The following C1QTNF3 variants were observed in gnomAD, a reference collection of about 807,000 sequenced individuals.
C1QTNF3 encodes complement C1q tumor necrosis factor-related protein 3.
A neutral mutation model predicts 32.6 loss-of-function variants in C1QTNF3; 26 were observed. The ratio of observed to expected loss-of-function variants is 0.80; its 90% CI spans 0.58 to 1.11. C1QTNF3 has a LOEUF of 1.11. Ranked by LOEUF, C1QTNF3 falls within the 50% of genes least tolerant of loss-of-function variation. The probability of loss-of-function intolerance (pLI) is 0.00; values close to 1 mark genes in which losing one functional copy is unlikely to be tolerated. For missense variants in C1QTNF3, 362 were observed against 398.2 expected, an observed-to-expected ratio of 0.91 and a Z score of 0.77; for synonymous variants, 155 against 146.0, an observed-to-expected ratio of 1.06 and a Z score of -0.44.
chr5:34,226,088 T>C, the C1QTNF3 span, among the ~76,000 whole-genome samples: 1 of 151,996 alleles, frequency 6.6e-6, no homozygotes, highest in Non-Finnish European at 1.5e-5. Flanking sequence ...CCTTGAACCA[T>C]ACTTGATATT....
the C1QTNF3 span, among the ~76,000 whole-genome samples, chr5:34,178,303 G>C: frequency 6.6e-6 from 1 of 152,078 alleles, no homozygotes; most frequent in Non-Finnish European, 1.5e-5. Flanking sequence ...TTCAGAGCTG[G>C]TTACCTTTTC....
chr5:34,056,454 G>GCATA, the C1QTNF3 span, among the ~76,000 whole-genome samples: 1 of 48,966 alleles, frequency 2.0e-5, no homozygotes, highest in African/African-American at 8.4e-5. Flanking sequence ...GTGTGTGTGT[G>GCATA]TATATATATA....
the C1QTNF3 span, chr5:34,192,226 C>A: frequency 1.4e-6 from 1 of 712,590 alleles, no homozygotes; most frequent in Non-Finnish European, 2.6e-6. Flanking sequence ...CCAGCTGGCC[C>A]TCAGTTCCTC....
chr5:34,195,993 A>T, the C1QTNF3 span, among the ~76,000 whole-genome samples: 1 of 152,306 alleles, frequency 6.6e-6, no homozygotes, highest in Non-Finnish European at 1.5e-5. Context: ...GAGACACTAG[A>T]GCTGCTTTTC....
chr5:34,140,428 A>G, the C1QTNF3 span, among the ~76,000 whole-genome samples: 2 of 152,360 alleles, frequency 1.3e-5, no homozygotes, highest in Admixed American at 1.3e-4. Flanking sequence ...TTGTTTGAGA[A>G]TATAGAAATA....
the C1QTNF3 span, among the ~76,000 whole-genome samples, chr5:34,141,339 C>T: frequency 1.3e-5 from 2 of 152,088 alleles, no homozygotes; most frequent in African/African-American, 2.4e-5. Flanking sequence ...AGGATAGTCT[C>T]GATCTCCTGA....
At chr5:34,119,874 G>T in the C1QTNF3 span, among the ~76,000 whole-genome samples, 1 of 152,034 alleles carries the variant, frequency 6.6e-6, no homozygotes, top group Non-Finnish European at 1.5e-5. Context: ...ATTTTTAAAC[G>T]CCAAATTCCA....
chr5:34,242,592 T>C, the C1QTNF3 span, among the ~76,000 whole-genome samples: 15 of 151,564 alleles, frequency 9.9e-5, no homozygotes, highest in Admixed American at 1.3e-4. Flanking sequence ...TTTCTCGACA[T>C]TGGCCTTGGC....
intron 2 of C1QTNF3, among the ~76,000 whole-genome samples, chr5:34,035,206 C>T (rs1754706130): frequency 6.6e-6 from 1 of 152,180 alleles, no homozygotes; most frequent in Non-Finnish European, 1.5e-5. Context: ...CCCCATACCA[C>T]TACATGGTAC....
At position 34,020,616 on chromosome 5, in the gene C1QTNF3, G is replaced by T; in HGVS notation, c.927C>A (p.Thr309=). 4.3e-6 allele frequency: 7 copies of T among 1,614,226 alleles called. No homozygotes were observed. The highest frequency in any genetic ancestry group is 5.9e-6 in the Non-Finnish European group (7 of 1,180,032). Residue 309 remains threonine (T), a synonymous_variant, in exon 6 of 6, where the codon ACC becomes ACA. Transcript: ENST00000382065. ...TTTCAAAGAGCAGGAATCCTGCAAA[G>T]GTGGAGAAGCGTTGGTGGTCCCCAT... is the stretch of plus-strand genomic sequence containing the variant. ...ALHGDHQRFS[T]FAGFLLFETK is the part of the protein sequence containing the mutation.
At chr5:34,219,838 A>G in the C1QTNF3 span, 2 of 152,128 alleles carry the variant, frequency 1.3e-5, no homozygotes, top group African/African-American at 2.4e-5. Flanking sequence ...TTAAATGGCT[A>G]CTGAATACCT....
chr5:34,226,445 C>A, the C1QTNF3 span, among the ~76,000 whole-genome samples: 1 of 151,762 alleles, frequency 6.6e-6, no homozygotes, highest in Non-Finnish European at 1.5e-5. Context: ...TAACTATCTA[C>A]AAAATGCTTT....
At chr5:34,171,177 T>C in the C1QTNF3 span, among the ~76,000 whole-genome samples, 1 of 152,046 alleles carries the variant, frequency 6.6e-6, no homozygotes, top group Admixed American at 6.6e-5. Flanking sequence ...GCTTGACTCA[T>C]TCTGAATACC....
At chr5:34,185,122 A>C in the C1QTNF3 span, among the ~76,000 whole-genome samples, 1 of 152,304 alleles carries the variant, frequency 6.6e-6, no homozygotes, top group African/African-American at 2.4e-5. Flanking sequence ...CAAGGCGGGC[A>C]GATCATTTGA....
chr5:34,107,484 A>G, the C1QTNF3 span, among the ~76,000 whole-genome samples: 2 of 152,034 alleles, frequency 1.3e-5, no homozygotes, highest in South Asian at 4.1e-4. Flanking sequence ...GTCATCAACA[A>G]CTAACATTTT....
At chr5:34,158,879 T>C in the C1QTNF3 span, 1 of 152,074 alleles carries the variant, frequency 6.6e-6, no homozygotes, top group Non-Finnish European at 1.5e-5. Flanking sequence ...ATATTACGAA[T>C]GTTCACCTCT....
chr5:34,123,626 T>C, the C1QTNF3 span, among the ~76,000 whole-genome samples: 2 of 149,564 alleles, frequency 1.3e-5, no homozygotes, highest in African/African-American at 2.5e-5. Flanking sequence ...GATATGCTTT[T>C]TTTTTTTCTT....
At chr5:34,170,341 T>C in the C1QTNF3 span, among the ~76,000 whole-genome samples, 2 of 152,128 alleles carry the variant, frequency 1.3e-5, no homozygotes, top group Non-Finnish European at 2.9e-5. Flanking sequence ...TAAATACATT[T>C]TAGAGAGGGG....
At chr5:34,075,440 A>C in the C1QTNF3 span, among the ~76,000 whole-genome samples, 1 of 151,748 alleles carries the variant, frequency 6.6e-6, no homozygotes, top group African/African-American at 2.4e-5. Flanking sequence ...ACTGAGTATT[A>C]ACAGAGTTGA....
Sources: gnomAD v4.1 joint callset for allele counts (sites outside exome capture counted in the v4.1 genomes callset) on GRCh38, gnomAD v4.1.1 for gene constraint, MANE v1.5 for transcripts, NCBI Gene and HGNC (gene_info 2026-07-23, HGNC 2026-07-21) for gene names.